Variants in RBBP4 observed in about 807,000 individuals in gnomAD.
RBBP4 encodes the protein RB binding protein 4, chromatin remodeling factor, also known as histone-binding protein RBBP4.
RBBP4 carries 3 observed loss-of-function variants against 57.2 expected under a neutral mutation model. The observed-to-expected ratio is 0.05, with a 90% confidence interval of 0.02 to 0.14. The LOEUF (loss-of-function observed/expected upper bound fraction) is 0.14. Among genes scored for constraint, RBBP4 ranks in the 10% least tolerant of loss-of-function variants. The probability of loss-of-function intolerance (pLI) is 1.00; values close to 1 mark genes in which losing one functional copy is unlikely to be tolerated. For synonymous variants in RBBP4, 151 were observed against 171.5 expected, an observed-to-expected ratio of 0.88 and a Z score of 0.93; for missense variants, 107 against 520.6, an observed-to-expected ratio of 0.21 and a Z score of 7.73.
chr1:32,656,346 G>T (rs1019453572), intron 2 of RBBP4, among the ~76,000 whole-genome samples: 1 of 150,694 alleles, frequency 6.6e-6, no homozygotes, highest in African/African-American at 2.4e-5. Context: ...CCAGCCGCCG[G>T]TTTTTTTTGT....
intron 2 of RBBP4, among the ~76,000 whole-genome samples, chr1:32,656,078 G>A (rs1376930204): frequency 6.6e-6 from 1 of 152,126 alleles, no homozygotes; most frequent in Non-Finnish European, 1.5e-5. Context: ...GTTTTAATCG[G>A]CCTTCTCTCC....
At position 32,672,483 on chromosome 1, in the gene RBBP4, G is replaced by T. The variant is rs1350613049; in HGVS notation, c.1000G>T (p.Ala334Ser). The stretch of plus-strand genomic sequence containing the variant: ...GTCACCTCACAATGAGACTATTTTA[G>T]CTTCCAGTGGTACTGATCGCAGACT... ...QWSPHNETIL[A>S]SSGTDRRLNV... Residue 334 changes from alanine to serine, a missense_variant, in exon 9 of 12, where the codon GCT becomes TCT. Ala to Ser is a moderately conservative substitution (Grantham distance 99, BLOSUM62 1). This residue lies in a region of RBBP4 where 92 missense variants were observed against 408.5 expected (regional missense o/e 0.23). Coordinates refer to ENST00000373493, the MANE Select transcript of RBBP4 (RefSeq NM_005610.3). The T allele has an allele frequency of 6.2e-7, 1 of 1,611,108 alleles. No homozygotes were observed. The highest frequency in any genetic ancestry group is 1.7e-5 in the Admixed American group (1 of 59,992).
intron 4 of RBBP4, 168 bp from the exon 5 acceptor site, chr1:32,668,571 T>C (rs1191012805): frequency 1.1e-5 from 9 of 849,884 alleles, no homozygotes; most frequent in Non-Finnish European, 1.6e-5. Flanking sequence ...CTTTTTTACA[T>C]AGAACAAAAT....
intron 11 of RBBP4, among the ~76,000 whole-genome samples, chr1:32,674,945 G>A (rs1649037252): frequency 6.6e-6 from 1 of 151,790 alleles, no homozygotes; most frequent in Non-Finnish European, 1.5e-5. Flanking sequence ...CACCATGTTG[G>A]TCAGGGTGGT....
intron 3 of RBBP4, among the ~76,000 whole-genome samples, chr1:32,659,080 A>G (rs1383218017): frequency 1.4e-5 from 2 of 147,590 alleles, no homozygotes; most frequent in Non-Finnish European, 3.0e-5. Context: ...ATGTAAAACT[A>G]CATGTGTATA....
At chr1:32,665,675 C>CA (rs1553195154) in intron 3 of RBBP4, among the ~76,000 whole-genome samples, 4 of 46,852 alleles carry the variant, frequency 8.5e-5, no homozygotes, top group Non-Finnish European at 2.4e-4. Context: ...AAGACCCTGT[C>CA]TTTAAAAAAA....
intron 8 of RBBP4, among the ~76,000 whole-genome samples, chr1:32,670,333 A>G (rs944272946): frequency 3.3e-5 from 5 of 151,954 alleles, no homozygotes; most frequent in Non-Finnish European, 7.4e-5. Context: ...CCAAGCCTCA[A>G]CCTCTGGCTC....
At chr1:32,659,512 A>T (rs978791130) in intron 3 of RBBP4, among the ~76,000 whole-genome samples, 2 of 148,780 alleles carry the variant, frequency 1.3e-5, no homozygotes, top group Admixed American at 1.3e-4. Context: ...GTGAGCCGAG[A>T]TCTCACCATT....
chr1:32,652,272 A>G (rs1647797955), intron 2 of RBBP4: 1 of 550,670 alleles, frequency 1.8e-6, no homozygotes, highest in Admixed American at 3.2e-5. Flanking sequence ...TTTTTTCTCA[A>G]TACTGAATTA....
At chr1:32,656,298 G>A (rs896616776) in intron 2 of RBBP4, among the ~76,000 whole-genome samples, 2 of 151,760 alleles carry the variant, frequency 1.3e-5, no homozygotes, top group South Asian at 2.1e-4. Flanking sequence ...GGGTTCAAGC[G>A]ATTCTTGTGC....
At chr1:32,666,666 A>AT (rs1261522931) in intron 3 of RBBP4, among the ~76,000 whole-genome samples, 1 of 152,090 alleles carries the variant, frequency 6.6e-6, no homozygotes, top group Non-Finnish European at 1.5e-5. Flanking sequence ...TGAAAACTTT[A>AT]TTAAGATCTG....
At chr1:32,653,637 G>GTTTTTGTTTT (rs1647992545) in intron 2 of RBBP4, among the ~76,000 whole-genome samples, 1 of 20,776 alleles carries the variant, frequency 4.8e-5, no homozygotes, top group South Asian at 4.9e-3. Context: ...TTGTTTTCTG[G>GTTTTTGTTTT]TTTTTTTTTT....
At chr1:32,654,620 C>G (rs1448052051) in intron 2 of RBBP4, among the ~76,000 whole-genome samples, 1 of 152,196 alleles carries the variant, frequency 6.6e-6, no homozygotes, top group Non-Finnish European at 1.5e-5. Flanking sequence ...AGGCTGAAAT[C>G]TGTACTGTCA....
In RBBP4 at chr1:32,668,948, A is replaced by G. The variant is rs200625432; in HGVS notation, c.601-24A>G. 5.0e-6 allele frequency: 8 copies of G among 1,613,894 alleles called. No individual in the cohort carries two copies. The East Asian group carries it at 1.6e-4, about 31-fold the overall frequency. On this transcript the variant is annotated intron_variant, in intron 5 of 11. Transcript: ENST00000373493. ...GGGGAGGTGAGAATCTTCCTTTTAT[A>G]TAATGGTTAATTTTACATTTAAGAC...
rs1360509561 is a variant in RBBP4, at chr1:32,680,072, G to T, written c.*367G>T. 2 of 1,073,464 alleles carry T rather than the reference G, an allele frequency of 1.9e-6. No homozygotes were observed. Among genetic ancestry groups the T allele is most frequent in the African/African-American group, 1.7e-5 (1 of 59,472 alleles). The allele number at this position is 1,073,464 out of a possible 1,614,324, so 66.5% of individuals were successfully genotyped here. On this transcript the variant is annotated 3_prime_UTR_variant, in exon 12 of 12. Coordinates refer to ENST00000373493, the MANE Select transcript of RBBP4 (RefSeq NM_005610.3). ...AGGAATAGAGCCAAATGAGGTAGGT[G>T]TCTGAGCCATGAAGTATAAATACTG...
chr1:32,651,436 C>G, intron 1 of RBBP4, 114 bp downstream of exon 1: 1 of 1,373,222 alleles, frequency 7.3e-7, no homozygotes, highest in South Asian at 1.8e-5. Context: ...GTCCCCGGTA[C>G]TGAAGGCGTG....
chr1:32,674,991 C>T (rs1224031122), intron 11 of RBBP4, among the ~76,000 whole-genome samples: 6 of 151,948 alleles, frequency 3.9e-5, no homozygotes, highest in African/African-American at 7.3e-5. Context: ...CCCTCTTTGG[C>T]CTCCCAAAGT....
chr1:32,672,285 A>G (rs748941366), intron 8 of RBBP4, among the ~76,000 whole-genome samples, 165 bp from the exon 9 acceptor site: 7 of 152,160 alleles, frequency 4.6e-5, no homozygotes, highest in Admixed American at 1.3e-4. Context: ...GCGCCTGCCC[A>G]TAAAATAAAT....
chr1:32,670,832 A>G (rs1036139798), intron 8 of RBBP4, among the ~76,000 whole-genome samples: 8 of 152,176 alleles, frequency 5.3e-5, no homozygotes, highest in Admixed American at 2.0e-4. Flanking sequence ...GGTAAAGATT[A>G]ATTCTGGTGT....
Sources: gnomAD v4.1 joint callset for allele counts (sites outside exome capture counted in the v4.1 genomes callset) on GRCh38, gnomAD v4.1.1 for gene constraint, gnomAD v4.1.1 regional missense constraint, MANE v1.5 for transcripts, NCBI Gene and HGNC (gene_info 2026-07-23, HGNC 2026-07-21) for gene names.